Variants in SPPL2A observed in about 807,000 individuals in gnomAD.
SPPL2A encodes the protein signal peptide peptidase like 2A, also known as signal peptide peptidase-like 2A.
SPPL2A carries 51 observed loss-of-function variants against 63.8 expected under a neutral mutation model. That is an observed-to-expected ratio of 0.80 (90% CI 0.64 to 1.01). The LOEUF is 1.01. Ranked by LOEUF, SPPL2A falls within the 50% of genes least tolerant of loss-of-function variation. SPPL2A has a pLI of 0.00. For synonymous variants in SPPL2A, 188 were observed against 205.8 expected (o/e 0.91, Z 0.74); for missense variants, 553 against 622.7 (o/e 0.89, Z 1.19).
In SPPL2A at chr15:50,739,691, T is replaced by C. The variant is rs1267766705; in HGVS notation, c.722A>G (p.Tyr241Cys). The change falls in exon 6 of 15, where the codon TAC becomes TGC. Residue 241 changes from tyrosine to cysteine, a missense_variant. Coordinates refer to ENST00000261854, the MANE Select transcript of SPPL2A (RefSeq NM_032802.4). ...CVMMVLLYFFYKWLVYVMIAI... is the reference protein window; with the variant it reads ...CVMMVLLYFFCKWLVYVMIAI... ...ATATGACTTCTTACCCAACCATTTG[T>C]AGAAGAAATAAAGTAAGACCATCAT... 3 of 1,579,594 alleles carry C rather than the reference T, an allele frequency of 1.9e-6. No homozygotes were observed. In the African/African-American group the frequency reaches 4.1e-5, roughly 22 times the overall value.
intron 1 of SPPL2A, among the ~76,000 whole-genome samples, chr15:50,752,273 T>A (rs1000350966): frequency 1.6e-4 from 24 of 152,170 alleles, no homozygotes; most frequent in African/African-American, 5.8e-4. Context: ...TTTGGGCATT[T>A]AGAACCTCTT....
intron 6 of SPPL2A, among the ~76,000 whole-genome samples, chr15:50,738,413 G>A (rs2062791105): frequency 6.6e-6 from 1 of 151,960 alleles, no homozygotes; most frequent in East Asian, 1.9e-4. Flanking sequence ...GTCGGGCACA[G>A]TGGCGCACAC....
intron 1 of SPPL2A, among the ~76,000 whole-genome samples, chr15:50,756,694 T>G (rs1043407372): frequency 6.6e-6 from 1 of 152,120 alleles, no homozygotes; most frequent in Non-Finnish European, 1.5e-5. Flanking sequence ...GAGATGAGCC[T>G]GGGCAACATA....
intron 5 of SPPL2A, among the ~76,000 whole-genome samples, chr15:50,741,014 A>G (rs2062815659): frequency 6.6e-6 from 1 of 152,186 alleles, no homozygotes; most frequent in South Asian, 2.1e-4. Flanking sequence ...AAAGAAATTC[A>G]AGGCATAACT....
Position 50,736,103 on chromosome 15 carries a change from G to A in SPPL2A, c.930C>T (p.Asp310=). 1 of 1,578,442 alleles carries A rather than the reference G, an allele frequency of 6.3e-7. No homozygotes were observed. Among genetic ancestry groups the A allele is most frequent in the Non-Finnish European group, 8.7e-7 (1 of 1,148,828 alleles). The change falls in exon 8 of 15, where the codon GAC becomes GAT. Residue 310 remains aspartate (D), a splice_region_variant and synonymous_variant. Coordinates refer to ENST00000261854, the MANE Select transcript of SPPL2A (RefSeq NM_032802.4). ...GCAAATACATTGAGTATTCATACCT[G>A]TCTTCATTTCGAAACACAGCCCAAA... ...AVVWAVFRNE[D]RWAWILQDIL... is the part of the protein sequence containing the mutation.
rs1487722185 is a variant in SPPL2A, at chr15:50,704,335, T to A, written c.*3465A>T. On this transcript the variant is annotated 3_prime_UTR_variant, in exon 15 of 15. Coordinates refer to ENST00000261854, the MANE Select transcript of SPPL2A (RefSeq NM_032802.4). ...CCAGCCTGGGCAAAAAGAGCGAAAC[T>A]CTGTCTCAAAAAAAAAAAAAAAAAA... 8.3e-6 allele frequency: 1 copy of A among 119,962 alleles called. No individual in the cohort carries two copies. Among genetic ancestry groups the A allele is most frequent in the Non-Finnish European group, 1.7e-5 (1 of 59,532 alleles). The allele number at this position is 119,962 out of a possible 1,614,324, so 7.4% of individuals were successfully genotyped here.
chr15:50,725,362 A>AAAAAC, intron 11 of SPPL2A, 39 bp from the exon 12 acceptor site: 1 of 1,096,004 alleles, frequency 9.1e-7, no homozygotes, highest in Non-Finnish European at 1.3e-6. Context: ...AAACAAAACA[A>AAAAAC]AAAACAAAAC....
At chr15:50,744,178 C>CAA (rs1165647730) in intron 5 of SPPL2A, among the ~76,000 whole-genome samples, 5 of 75,426 alleles carry the variant, frequency 6.6e-5, no homozygotes, top group East Asian at 3.8e-4. Context: ...GACTCCATCT[C>CAA]AAAAAAAAAA....
intron 11 of SPPL2A, 23 bp from the exon 12 acceptor site, chr15:50,725,346 AAAAC>A: frequency 8.0e-7 from 1 of 1,244,800 alleles, no homozygotes. Flanking sequence ...AAAACAAAAC[AAAAC>A]AAAACAAAAC....
At chr15:50,752,033 G>T (rs1032089470) in intron 1 of SPPL2A, among the ~76,000 whole-genome samples, 1 of 151,880 alleles carries the variant, frequency 6.6e-6, no homozygotes, top group African/African-American at 2.4e-5. Flanking sequence ...GTTTTGTCAC[G>T]CTGGCCAGGC....
At chr15:50,738,664 C>T (rs1267969114) in intron 6 of SPPL2A, among the ~76,000 whole-genome samples, 1 of 151,968 alleles carries the variant, frequency 6.6e-6, no homozygotes, top group East Asian at 1.9e-4. Flanking sequence ...CTTAAAAGGG[C>T]TTTTTGCTAG....
rs12903915 is a variant in SPPL2A at position 50,736,551 on chromosome 15, T to C, written c.830+93A>G. On this transcript the variant is annotated intron_variant, in intron 7 of 14. Transcript: ENST00000261854. Reference sequence around the variant, plus strand: ...AAACACCTGTAGGTCCAATGTATATTGGACTATATAGGTTTCAAATAATAC... The same window carrying C: ...AAACACCTGTAGGTCCAATGTATATCGGACTATATAGGTTTCAAATAATAC... 229,654 of 678,690 alleles carry C rather than the reference T, an allele frequency of 0.34. 40,860 individuals carry two copies. Among genetic ancestry groups the C allele is most frequent in the East Asian group, 0.55 (20,644 of 37,280 alleles). 42.0% of individuals were successfully genotyped at this position (678,690 alleles called of 1,614,324 possible).
At position 50,726,560 on chromosome 15, in the gene SPPL2A, C is replaced by G. The variant is rs530371325; in HGVS notation, c.1090-183G>C. 1.1e-4 allele frequency among the ~76,000 whole-genome samples: 17 copies of G among 152,336 alleles called. No homozygotes were observed. In the South Asian group the frequency reaches 2.7e-3, roughly 24 times the overall value. ...CTGAAGTCATCTAAAACAAAGTCCA[C>G]CTAGTACAGTTGCTCCACTTTATCA... On this transcript the variant is annotated intron_variant, in intron 10 of 14. Coordinates refer to ENST00000261854, the MANE Select transcript of SPPL2A (RefSeq NM_032802.4).
intron 14 of SPPL2A, among the ~76,000 whole-genome samples, chr15:50,713,738 G>C (rs2062578436): frequency 6.6e-6 from 1 of 152,054 alleles, no homozygotes; most frequent in South Asian, 2.1e-4. Flanking sequence ...TAAGTTAAAG[G>C]AAGCAGATTT....
In SPPL2A at chr15:50,703,797, C is replaced by T. The variant is rs1269432581; in HGVS notation, c.*4003G>A. The stretch of plus-strand genomic sequence containing the variant: ...CCTGTATCAAAACATCTCATGCACT[C>T]CATAAATATATACACCTACATGTAC... On this transcript the variant is annotated 3_prime_UTR_variant, in exon 15 of 15. Coordinates refer to ENST00000261854, the MANE Select transcript of SPPL2A (RefSeq NM_032802.4). The T allele has an allele frequency of 1.3e-5, 2 of 151,994 alleles. No homozygotes were observed. Among genetic ancestry groups the T allele is most frequent in the South Asian group, 2.1e-4 (1 of 4,820 alleles). 9.4% of individuals were successfully genotyped at this position (151,994 alleles called of 1,614,324 possible).
chr15:50,751,689 C>A (rs1366573607), intron 1 of SPPL2A, among the ~76,000 whole-genome samples: 1 of 152,198 alleles, frequency 6.6e-6, no homozygotes, highest in African/African-American at 2.4e-5. Context: ...AGCTTCTTCT[C>A]ACCAGGATAT....
At position 50,712,842 on chromosome 15, in the gene SPPL2A, C is replaced by G. The variant is rs1452457419; in HGVS notation, c.1489-4968G>C. Among the ~76,000 whole-genome samples, 3 of 151,764 alleles carry G rather than the reference C, an allele frequency of 2.0e-5. No individual in the cohort carries two copies. The South Asian group carries it at 6.3e-4, about 32-fold the overall frequency. On this transcript the variant is annotated intron_variant, in intron 14 of 14. Coordinates refer to ENST00000261854, the MANE Select transcript of SPPL2A (RefSeq NM_032802.4). ...CTGGGATTACAGGCGCCTGCCACCA[C>G]ACCTGGCTAATTTTTGTATTTTTAA...
intron 5 of SPPL2A, among the ~76,000 whole-genome samples, chr15:50,745,887 C>T (rs1454669097): frequency 6.6e-6 from 1 of 151,284 alleles, no homozygotes; most frequent in East Asian, 2.0e-4. Context: ...CTCATCTCTA[C>T]TAAAAGCACA....
intron 13 of SPPL2A, among the ~76,000 whole-genome samples, chr15:50,721,051 T>A (rs2062642322): frequency 1.3e-5 from 2 of 152,088 alleles, no homozygotes; most frequent in African/African-American, 4.8e-5. Context: ...CAAACTGCTT[T>A]TTTTGAGATG....
Sources: gnomAD v4.1 joint callset for allele counts (sites outside exome capture counted in the v4.1 genomes callset) on GRCh38, gnomAD v4.1.1 for gene constraint, MANE v1.5 for transcripts, NCBI Gene and HGNC (gene_info 2026-07-23, HGNC 2026-07-21) for gene names.